POLK: variants seen among roughly 807,000 people sequenced by gnomAD.
POLK encodes the protein polymerase (DNA directed) kappa.
POLK carries 76 observed loss-of-function variants against 94.0 expected under a neutral mutation model. The observed-to-expected ratio is 0.81, with a 90% CI of 0.67 to 0.98. POLK has a LOEUF of 0.98. POLK is among the 50% of genes least tolerant of loss of function. POLK has a pLI of 0.00. For synonymous variants in POLK, 349 were observed against 325.4 expected (o/e 1.07, Z -0.78); for missense variants, 954 against 1,010.1 (o/e 0.94, Z 0.75).
chr5:75,526,086 A>G (rs1048028536), intron 1 of POLK, among the ~76,000 whole-genome samples: 1 of 152,190 alleles, frequency 6.6e-6, no homozygotes, highest in Non-Finnish European at 1.5e-5. Context: ...TACCATTTAT[A>G]TATGCATGTT....
intron 1 of POLK, among the ~76,000 whole-genome samples, chr5:75,524,309 C>A (rs5744561): frequency 6.6e-6 from 1 of 152,070 alleles, no homozygotes; most frequent in Non-Finnish European, 1.5e-5. Flanking sequence ...GTCCCAGGTG[C>A]CTTCCTTAAA....
chr5:75,570,848 C>T (rs1455400814), intron 4 of POLK, among the ~76,000 whole-genome samples: 8 of 152,112 alleles, frequency 5.3e-5, no homozygotes, highest in African/African-American at 1.9e-4. Flanking sequence ...TATTATAAAA[C>T]TATAATCTGT....
chr5:75,589,594 G>T (rs1772669100), intron 10 of POLK, among the ~76,000 whole-genome samples: 2 of 152,102 alleles, frequency 1.3e-5, no homozygotes, highest in African/African-American at 4.8e-5. Flanking sequence ...GGGACTACAG[G>T]CGCCCGTATA....
chr5:75,603,621 C>G (rs1773350641), downstream of POLK, among the ~76,000 whole-genome samples: 1 of 152,094 alleles, frequency 6.6e-6, no homozygotes, highest in Admixed American at 6.6e-5. Flanking sequence ...CTCTTGCAAG[C>G]CAATACAAGC....
At chr5:75,591,222 C>G (rs917594901) in intron 11 of POLK, among the ~76,000 whole-genome samples, 1 of 152,024 alleles carries the variant, frequency 6.6e-6, no homozygotes, top group Non-Finnish European at 1.5e-5. Flanking sequence ...CCGAAGTACA[C>G]TTATTTGATC....
intron 1 of POLK, among the ~76,000 whole-genome samples, chr5:75,545,606 ATAAT>A (rs756855951): frequency 1.8e-4 from 27 of 152,226 alleles, no homozygotes; most frequent in Non-Finnish European, 1.5e-5. Flanking sequence ...AAGATATTAA[ATAAT>A]TATTATCTGA....
At chr5:75,539,948 A>G (rs943597890) in intron 1 of POLK, among the ~76,000 whole-genome samples, 3 of 152,148 alleles carry the variant, frequency 2.0e-5, no homozygotes, top group African/African-American at 7.2e-5. Flanking sequence ...TTTTATCTAA[A>G]ATTTCATTTG....
intron 3 of POLK, among the ~76,000 whole-genome samples, chr5:75,566,871 G>A (rs150197147): frequency 6.6e-6 from 1 of 152,340 alleles, no homozygotes; most frequent in African/African-American, 2.4e-5. Flanking sequence ...GTAGCAAAAG[G>A]AACAACGTGC....
In POLK at chr5:75,585,003, A is replaced by G. The variant is rs1772393465; in HGVS notation, c.1226+77A>G. 1.0e-5 allele frequency: 9 copies of G among 875,242 alleles called. No homozygotes were observed. In the Admixed American group the frequency reaches 1.7e-4, roughly 16 times the overall value. 54.2% of individuals were successfully genotyped at this position (875,242 alleles called of 1,614,324 possible). A position where few individuals can be genotyped will look rare whatever the true frequency, so the allele number is the denominator to read the frequency against. ...CAGTTTTAACCATTGAGATGAGGCTATATGGATAACATGTTTTAAAATTCT... is the reference window on the plus strand; with the variant it reads ...CAGTTTTAACCATTGAGATGAGGCTGTATGGATAACATGTTTTAAAATTCT... On this transcript the variant is annotated intron_variant, in intron 9 of 14. Coordinates refer to ENST00000241436, the Ensembl canonical transcript of POLK.
chr5:75,594,431 C>A (rs1393460336), intron 12 of POLK, among the ~76,000 whole-genome samples: 2 of 152,170 alleles, frequency 1.3e-5, no homozygotes, highest in Non-Finnish European at 2.9e-5. Flanking sequence ...ATGTGTGAAG[C>A]CATGATCATT....
upstream of POLK, chr5:75,511,084 G>A: frequency 6.6e-7 from 1 of 1,519,186 alleles, no homozygotes; most frequent in Non-Finnish European, 8.8e-7. Flanking sequence ...GTCTGGCCAG[G>A]GGTCCCTTGG....
At chr5:75,578,608 T>C (rs1005758893) in intron 6 of POLK, among the ~76,000 whole-genome samples, 1 of 152,222 alleles carries the variant, frequency 6.6e-6, no homozygotes, top group African/African-American at 2.4e-5. Context: ...ACTTTTCTTC[T>C]CATGTGTAAA....
intron 11 of POLK, 23 bp from the exon 12 acceptor site, chr5:75,593,855 A>G (rs758986062): frequency 5.3e-5 from 73 of 1,388,018 alleles, no homozygotes; most frequent in Non-Finnish European, 5.0e-6. Flanking sequence ...AAATAAATAA[A>G]TAACATATTG....
At chr5:75,528,948 A>G (rs1553234) in intron 1 of POLK, among the ~76,000 whole-genome samples, 19,809 of 152,214 alleles carry the variant, frequency 0.13, 1,397 homozygotes, top group East Asian at 0.23. Context: ...AGACACCAAA[A>G]TCCACGATTG....
chr5:75,593,499 T>C (rs1772899455), intron 11 of POLK, among the ~76,000 whole-genome samples: 1 of 152,222 alleles, frequency 6.6e-6, no homozygotes, highest in Non-Finnish European at 1.5e-5. Flanking sequence ...TCCGTAAACC[T>C]TTCTGAATTT....
rs775525619 is a variant in POLK at position 75,559,523 on chromosome 5, G to GTTTTTTTTTTTTTTTTTTTT, written c.255+6940_255+6959dup. On this transcript the variant is annotated intron_variant, in intron 3 of 14. Transcript: ENST00000241436. ...GGGGTTTGTTTTTTTGTTTTGTTTT[G>GTTTTTTTTTTTTTTTTTTTT]TTTTTTTTTTTTTTTTTTTTTTTTT... Among the ~76,000 whole-genome samples the GTTTTTTTTTTTTTTTTTTTT allele has an allele frequency of 2.9e-4, 16 of 54,678 alleles. 1 individual carries two copies. Among genetic ancestry groups the GTTTTTTTTTTTTTTTTTTTT allele is most frequent in the African/African-American group, 9.5e-4 (13 of 13,640 alleles). The allele number at this position is 54,678 out of a possible 152,430, so 35.9% of individuals were successfully genotyped here.
At chr5:75,561,021 A>G (rs1770944131) in intron 3 of POLK, among the ~76,000 whole-genome samples, 1 of 152,184 alleles carries the variant, frequency 6.6e-6, no homozygotes, top group Non-Finnish European at 1.5e-5. Context: ...TCTTTTGGGT[A>G]TATAACTGGT....
At chr5:75,544,641 CTGAATGAA>C (rs61178645) in intron 1 of POLK, among the ~76,000 whole-genome samples, 15 of 151,592 alleles carry the variant, frequency 9.9e-5, no homozygotes, top group South Asian at 2.1e-4. Context: ...GACTTTGTCT[CTGAATGAA>C]TGAATGAATG....
chr5:75,525,826 A>G (rs1206845803), intron 1 of POLK, among the ~76,000 whole-genome samples: 1 of 152,210 alleles, frequency 6.6e-6, no homozygotes, highest in Non-Finnish European at 1.5e-5. Flanking sequence ...TAAAACTGGC[A>G]TCTTAGGTGT....
Sources: gnomAD v4.1 joint callset for allele counts (sites outside exome capture counted in the v4.1 genomes callset) on GRCh38, gnomAD v4.1.1 for gene constraint, MANE v1.5 for transcripts, NCBI Gene and HGNC (gene_info 2026-07-23, HGNC 2026-07-21) for gene names.